Variants in ADAMTS7 observed in about 807,000 individuals in gnomAD.
The protein encoded by ADAMTS7 is A disintegrin and metalloproteinase with thrombospondin motifs 7.
Under a neutral mutation model 172.6 loss-of-function variants are expected in ADAMTS7, and 89 were observed. That is an observed-to-expected ratio of 0.52 (90% CI 0.43 to 0.61). ADAMTS7 has a LOEUF of 0.61. Ranked by LOEUF, ADAMTS7 falls within the 20% of genes least tolerant of loss-of-function variation. ADAMTS7 has a pLI of 0.00. For missense variants in ADAMTS7, 1,973 were observed against 2,355.6 expected, an observed-to-expected ratio of 0.84 and a Z score of 3.36; for synonymous variants, 885 against 978.4, an observed-to-expected ratio of 0.90 and a Z score of 1.78.
At chr15:78,807,307 A>G (rs2141530706) in intron 1 of ADAMTS7, among the ~76,000 whole-genome samples, 1 of 152,330 alleles carries the variant, frequency 6.6e-6, no homozygotes, top group South Asian at 2.1e-4. Context: ...AAGGCCCCAA[A>G]AGCTTAAAAA....
At position 78,776,320 on chromosome 15, in the gene ADAMTS7, C is replaced by G; in HGVS notation, c.1574G>C (p.Gly525Ala). 6.2e-7 allele frequency: 1 copy of G among 1,611,654 alleles called. No individual in the cohort carries two copies. Among genetic ancestry groups the G allele is most frequent in the South Asian group, 1.1e-5 (1 of 90,972 alleles). The change falls in exon 11 of 24, where the codon GGG (glycine) becomes GCG (alanine). Residue 525 changes from glycine to alanine, a missense_variant. This residue lies in a region of ADAMTS7 where 526 missense variants were observed against 662.9 expected (regional missense o/e 0.79). Coordinates refer to ENST00000388820, the MANE Select transcript of ADAMTS7 (RefSeq NM_014272.5). The part of the protein sequence containing the change: ...RCGENKWCLS[G>A]ECVPVGFRPE... ...CCGGAAGCCCACGGGTACGCACTCCCCACTGAGACACCACTACTGAGACAG... is the reference window on the plus strand; with the variant it reads ...CCGGAAGCCCACGGGTACGCACTCCGCACTGAGACACCACTACTGAGACAG...
intron 16 of ADAMTS7, chr15:78,770,908 G>A (rs184781455): frequency 4.3e-4 from 229 of 537,288 alleles, no homozygotes; most frequent in Middle Eastern, 3.0e-3. Context: ...GTCCCCTGGA[G>A]GGAGAACGCC....
intron 1 of ADAMTS7, among the ~76,000 whole-genome samples, chr15:78,810,130 C>G (rs951605578): frequency 5.9e-5 from 9 of 152,248 alleles, no homozygotes; most frequent in Admixed American, 5.9e-4. Context: ...AGCAAGCAAC[C>G]CTAATCCAGT....
chr15:78,785,655 T>C (rs944990567), intron 8 of ADAMTS7, among the ~76,000 whole-genome samples: 2 of 152,170 alleles, frequency 1.3e-5, no homozygotes, highest in African/African-American at 4.8e-5. Flanking sequence ...AATATGGACT[T>C]AATCCAAATA....
chr15:78,808,933 G>A (rs1596205276), intron 1 of ADAMTS7, among the ~76,000 whole-genome samples: 1 of 152,178 alleles, frequency 6.6e-6, no homozygotes, highest in Non-Finnish European at 1.5e-5. Context: ...TCACTTTGGA[G>A]CTTCTACCAA....
At chr15:78,803,258 G>A (rs1170943960) in intron 1 of ADAMTS7, among the ~76,000 whole-genome samples, 4 of 151,910 alleles carry the variant, frequency 2.6e-5, no homozygotes, top group African/African-American at 9.7e-5. Flanking sequence ...TACTTGGAAT[G>A]CTGAGGTGGG....
At chr15:78,763,113 T>C (rs1596170033) in intron 22 of ADAMTS7, among the ~76,000 whole-genome samples, 1 of 152,206 alleles carries the variant, frequency 6.6e-6, no homozygotes, top group South Asian at 2.1e-4. Flanking sequence ...TTAATCCTCC[T>C]GACCCTCCTC....
intron 1 of ADAMTS7, among the ~76,000 whole-genome samples, chr15:78,806,770 G>A (rs2055802768): frequency 6.6e-6 from 1 of 152,066 alleles, no homozygotes; most frequent in African/African-American, 2.4e-5. Context: ...TTTTGTTTAT[G>A]TTTTTGTTTT....
At chr15:78,764,804 A>C in intron 19 of ADAMTS7, 97 bp from the exon 20 acceptor site, 1 of 1,306,858 alleles carries the variant, frequency 7.7e-7, no homozygotes, top group South Asian at 1.7e-5. Flanking sequence ...GACCTCAGCA[A>C]GACAGGGGCC....
chr15:78,772,943 C>A lies in ADAMTS7; in HGVS notation c.2131+140G>T. Reference sequence around the variant, plus strand: ...GGGGTCCCCTGACTCCTGCAAGAATCCACCCCAGCAAGGCTTCCCTGCTTA... The same window carrying A: ...GGGGTCCCCTGACTCCTGCAAGAATACACCCCAGCAAGGCTTCCCTGCTTA... On this transcript the variant is annotated intron_variant, in intron 14 of 23. Transcript: ENST00000388820. 2.6e-6 allele frequency: 3 copies of A among 1,148,276 alleles called. No homozygotes were observed. The South Asian group carries it at 4.5e-5, about 17-fold the overall frequency. 71.1% of individuals were successfully genotyped at this position (1,148,276 alleles called of 1,614,324 possible).
At chr15:78,779,592 C>T (rs1567223002) in intron 8 of ADAMTS7, among the ~76,000 whole-genome samples, 1 of 152,064 alleles carries the variant, frequency 6.6e-6, no homozygotes, top group East Asian at 1.9e-4. Context: ...CGGCTTGGGG[C>T]TCCCTGAGCC....
intron 13 of ADAMTS7, among the ~76,000 whole-genome samples, chr15:78,773,899 AG>A (rs1831374793): frequency 6.6e-6 from 1 of 152,112 alleles, no homozygotes; most frequent in Non-Finnish European, 1.5e-5. Flanking sequence ...AGGGAGACGC[AG>A]GGGGGCGAGG....
intron 20 of ADAMTS7, 53 bp from the exon 21 acceptor site, chr15:78,764,152 G>C: frequency 6.8e-7 from 1 of 1,460,182 alleles, no homozygotes; most frequent in Non-Finnish European, 9.1e-7. Context: ...GCCCACAGGC[G>C]TGACCCCGTG....
At chr15:78,777,615 G>C (rs774391926) in intron 8 of ADAMTS7, 27 bp from the exon 9 acceptor site, 1 of 1,589,406 alleles carries the variant, frequency 6.3e-7, no homozygotes, top group East Asian at 2.3e-5. Flanking sequence ...AGGATGGAGG[G>C]GGGCGCAGCC....
chr15:78,807,244 T>A (rs1173679954), intron 1 of ADAMTS7, among the ~76,000 whole-genome samples: 1 of 152,030 alleles, frequency 6.6e-6, no homozygotes, highest in African/African-American at 2.4e-5. Context: ...CAAATGCATG[T>A]GGTTGGGGAA....
At position 78,771,844 on chromosome 15, in the gene ADAMTS7, T is replaced by A. The variant is rs1175252738; in HGVS notation, c.2132-15A>T. ...ATCCACATACCCTGTCAGCCAAGGG[T>A]TGTGCATAGGTTGTGCCCAGGGTGA... On this transcript the variant is annotated splice_polypyrimidine_tract_variant and intron_variant, in intron 14 of 23. Transcript: ENST00000388820. This position sits in a 1 kb window ranked among gnomAD's most constrained non-coding sequence, Gnocchi z 4.9. 3 of 1,606,738 alleles carry A rather than the reference T, an allele frequency of 1.9e-6. No homozygotes were observed. The highest frequency in any genetic ancestry group is 3.8e-4 in the Middle Eastern group (2 of 5,298).
At chr15:78,770,140 G>T (rs1325639931) in intron 16 of ADAMTS7, among the ~76,000 whole-genome samples, 4 of 151,938 alleles carry the variant, frequency 2.6e-5, no homozygotes, top group African/African-American at 9.7e-5. Context: ...TCCAGCCTGG[G>T]CAACAGAGTG....
intron 3 of ADAMTS7, 23 bp downstream of exon 3, chr15:78,797,925 G>T (rs780666062): frequency 6.3e-7 from 1 of 1,589,746 alleles, no homozygotes; most frequent in Non-Finnish European, 8.5e-7. Flanking sequence ...ACCCACCCGA[G>T]AACTGGGAGC....
At chr15:78,789,534 G>C (rs1295113834) in intron 7 of ADAMTS7, among the ~76,000 whole-genome samples, 155 bp downstream of exon 7, 1 of 152,222 alleles carries the variant, frequency 6.6e-6, no homozygotes, top group African/African-American at 2.4e-5. Context: ...GTGGGGAGGG[G>C]ACAGTGCAGG....
Sources: gnomAD v4.1 joint callset for allele counts (sites outside exome capture counted in the v4.1 genomes callset) on GRCh38, gnomAD v4.1.1 for gene constraint, gnomAD v4.1.1 regional missense constraint, Gnocchi (gnomAD v3.1) non-coding constraint, MANE v1.5 for transcripts, NCBI Gene and HGNC (gene_info 2026-07-23, HGNC 2026-07-21) for gene names.